The following ANLN variants were observed in gnomAD, a reference collection of about 807,000 sequenced individuals.
The protein encoded by ANLN is anillin, actin binding protein.
Under a neutral mutation model 135.1 loss-of-function variants are expected in ANLN, and 59 were observed. That is an observed-to-expected ratio of 0.44 (90% CI 0.35 to 0.54). The LOEUF (loss-of-function observed/expected upper bound fraction) is 0.54. ANLN is among the 20% of genes least tolerant of loss of function. ANLN has a pLI of 0.00. For missense variants in ANLN, 1,182 were observed against 1,340.0 expected (o/e 0.88, Z 1.84); for synonymous variants, 406 against 456.4 (o/e 0.89, Z 1.41).
chr7:36,396,485 A>G, intron 2 of ANLN, 66 bp downstream of exon 2: 11 of 1,466,888 alleles, frequency 7.5e-6, no homozygotes, highest in Non-Finnish European at 1.0e-5. Context: ...CAAGCCCCAA[A>G]CATTTCATTA....
chr7:36,435,955 T>C (rs937264587), intron 20 of ANLN, among the ~76,000 whole-genome samples: 2 of 149,048 alleles, frequency 1.3e-5, no homozygotes, highest in African/African-American at 5.0e-5. Context: ...CAAAAAATAA[T>C]GTATTGAAAT....
chr7:36,402,811 C>T (rs995964113), intron 3 of ANLN, among the ~76,000 whole-genome samples: 1 of 152,146 alleles, frequency 6.6e-6, no homozygotes, highest in African/African-American at 2.4e-5. Context: ...CTTAAGGAGT[C>T]TCTCCCTCCT....
intron 9 of ANLN, 101 bp from the exon 10 acceptor site, chr7:36,419,143 T>G (rs2116650252): frequency 1.3e-6 from 1 of 780,434 alleles, no homozygotes; most frequent in Non-Finnish European, 2.0e-6. Context: ...TTAAGGCATT[T>G]TTTCCTATTT....
intron 9 of ANLN, among the ~76,000 whole-genome samples, chr7:36,418,735 C>A (rs1787748374): frequency 6.8e-6 from 1 of 148,128 alleles, no homozygotes; most frequent in African/African-American, 2.5e-5. Flanking sequence ...ATATTCATTT[C>A]TTTTTCTTTT....
At chr7:36,423,458 A>C (rs1275248937) in intron 14 of ANLN, among the ~76,000 whole-genome samples, 1 of 152,112 alleles carries the variant, frequency 6.6e-6, no homozygotes, top group Non-Finnish European at 1.5e-5. Flanking sequence ...GAAATACAGT[A>C]TTTTAATTTC....
intron 7 of ANLN, among the ~76,000 whole-genome samples, chr7:36,412,007 C>T (rs751208128): frequency 2.0e-5 from 3 of 152,018 alleles, no homozygotes; most frequent in Non-Finnish European, 2.9e-5. Context: ...GTAGTATCTT[C>T]CCCTTGTAGT....
At chr7:36,435,389 G>T (rs561729934) in intron 20 of ANLN, among the ~76,000 whole-genome samples, 17 of 151,594 alleles carry the variant, frequency 1.1e-4, no homozygotes, top group African/African-American at 1.9e-4. Flanking sequence ...AGATGGTGGG[G>T]GGGGGGTCTC....
At chr7:36,425,356 G>A (rs1300291029) in intron 17 of ANLN, among the ~76,000 whole-genome samples, 1 of 147,716 alleles carries the variant, frequency 6.8e-6, no homozygotes, top group Non-Finnish European at 1.5e-5. Context: ...GTGCAGTGGC[G>A]TGATCTCAGC....
intron 9 of ANLN, 27 bp downstream of exon 9, chr7:36,417,217 T>C: frequency 7.8e-7 from 1 of 1,288,150 alleles, no homozygotes. Context: ...TATTTATTAT[T>C]AACTTTGCAC....
chr7:36,417,006 ACAC>A, intron 8 of ANLN, 71 bp from the exon 9 acceptor site: 2 of 766,386 alleles, frequency 2.6e-6, no homozygotes, highest in Non-Finnish European at 3.9e-6. Context: ...AAAAAAAAAC[ACAC>A]ACAAGATTCC....
chr7:36,406,914 A>C (rs1056356553), intron 4 of ANLN, among the ~76,000 whole-genome samples: 9 of 152,260 alleles, frequency 5.9e-5, no homozygotes, highest in Admixed American at 5.2e-4. Context: ...AATTTATATA[A>C]ATTTATCAAA....
chr7:36,452,327 C>G lies in ANLN; in HGVS notation c.3252-150C>G, dbSNP rs980243383. The G allele has an allele frequency of 1.5e-5, 14 of 944,442 alleles. No individual in the cohort carries two copies. In the African/African-American group the frequency reaches 2.3e-4, roughly 15 times the overall value. The allele number at this position is 944,442 out of a possible 1,614,324, so 58.5% of individuals were successfully genotyped here. A position where few individuals can be genotyped will look rare whatever the true frequency, so the allele number is the denominator to read the frequency against. On this transcript the variant is annotated intron_variant, in intron 23 of 23. Transcript: ENST00000265748. ...CTGTTTTATTTGGAGATGCACCTCA[C>G]TAAGTGGCTGTGGATTAGCATCCAT...
intron 7 of ANLN, 84 bp downstream of exon 7, chr7:36,411,250 C>A: frequency 1.9e-6 from 2 of 1,076,754 alleles, no homozygotes; most frequent in African/African-American, 1.6e-5. Flanking sequence ...GCAAATAATT[C>A]TTTACACATT....
At chr7:36,419,148 C>T in intron 9 of ANLN, 96 bp from the exon 10 acceptor site, 74 of 777,718 alleles carry the variant, frequency 9.5e-5, no homozygotes, top group South Asian at 3.4e-4. Flanking sequence ...GCATTTTTTC[C>T]TATTTAGTAA....
intron 6 of ANLN, 70 bp downstream of exon 6, chr7:36,410,774 T>G: frequency 6.9e-7 from 1 of 1,446,460 alleles, no homozygotes; most frequent in South Asian, 1.4e-5. Context: ...CAAAATGGGT[T>G]CTGATGCCAG....
chr7:36,437,639 G>A (rs1159184186), intron 20 of ANLN, among the ~76,000 whole-genome samples: 2 of 151,902 alleles, frequency 1.3e-5, no homozygotes, highest in Non-Finnish European at 2.9e-5. Flanking sequence ...TAATTCTGGT[G>A]AAGTCTAATT....
Position 36,396,260 on chromosome 7 carries a change from A to G in ANLN, c.19-6A>G, listed in dbSNP as rs1246576224. The G allele has an allele frequency of 4.5e-6, 7 of 1,572,664 alleles. No homozygotes were observed. Among genetic ancestry groups the G allele is most frequent in the Non-Finnish European group, 6.0e-6 (7 of 1,158,800 alleles). ...TGTTTTAACACTGATATATTTATTT[A>G]TGTAGAAACTGCTGGAGCGAACCCG... On this transcript the variant is annotated splice_polypyrimidine_tract_variant and splice_region_variant and intron_variant, in intron 1 of 23. Transcript: ENST00000265748.
chr7:36,429,229 T>G (rs1410562679), intron 20 of ANLN, among the ~76,000 whole-genome samples: 1 of 152,084 alleles, frequency 6.6e-6, no homozygotes, highest in Non-Finnish European at 1.5e-5. Flanking sequence ...TAAAGTTTTT[T>G]TTTTGTTTTG....
intron 5 of ANLN, among the ~76,000 whole-genome samples, chr7:36,408,221 T>C (rs903472030): frequency 1.3e-5 from 2 of 152,308 alleles, no homozygotes; most frequent in African/African-American, 4.8e-5. Flanking sequence ...ATTTTTTTTC[T>C]ATATTTTTTG....
Sources: allele counts gnomAD v4.1 joint callset (sites outside exome capture counted in the v4.1 genomes callset), GRCh38; gene constraint gnomAD v4.1.1; transcripts MANE v1.5; gene names NCBI Gene and HGNC (gene_info 2026-07-23, HGNC 2026-07-21).